Variants in MAST2 observed in about 807,000 individuals in gnomAD.
MAST2 encodes microtubule-associated serine/threonine-protein kinase 2.
Under a neutral mutation model 147.4 loss-of-function variants are expected in MAST2, and 70 were observed. That is an observed-to-expected ratio of 0.47 (90% CI 0.39 to 0.58). The LOEUF (loss-of-function observed/expected upper bound fraction) is 0.58, where lower values mean the gene tolerates loss of function less well. Ranked by LOEUF, MAST2 falls within the 20% of genes least tolerant of loss-of-function variation. MAST2 has a pLI of 0.00. For synonymous variants in MAST2, 869 were observed against 896.8 expected, an observed-to-expected ratio of 0.97 and a Z score of 0.55; for missense variants, 2,080 against 2,302.3, an observed-to-expected ratio of 0.90 and a Z score of 1.98.
intron 3 of MAST2, among the ~76,000 whole-genome samples, chr1:45,850,836 C>CTTTTT (rs35427966): frequency 8.8e-6 from 1 of 113,592 alleles, no homozygotes; most frequent in Non-Finnish European, 1.8e-5. Context: ...CAGTACTATG[C>CTTTTT]TTTTTTTTTT....
intron 18 of MAST2, 106 bp downstream of exon 18, chr1:46,029,039 A>G: frequency 3.9e-6 from 5 of 1,277,590 alleles, no homozygotes; most frequent in Non-Finnish European, 5.4e-6. Flanking sequence ...TGAACTCATC[A>G]TGTGTGTTTG....
chr1:45,831,779 AGTT>A (rs1397902975), intron 3 of MAST2, among the ~76,000 whole-genome samples: 29 of 133,996 alleles, frequency 2.2e-4, no homozygotes, highest in Admixed American at 4.6e-4. Flanking sequence ...GAAGTTTAAT[AGTT>A]TTTTTTTTTT....
At chr1:45,957,894 G>T (rs375161031) in intron 4 of MAST2, among the ~76,000 whole-genome samples, 2 of 152,180 alleles carry the variant, frequency 1.3e-5, no homozygotes, top group East Asian at 1.9e-4. Flanking sequence ...AAGCTTGGTT[G>T]TAAAGGGTTG....
chr1:46,030,609 G>C lies in MAST2; in HGVS notation c.2556G>C (p.Val852=). 2 of 1,608,408 alleles carry C rather than the reference G, an allele frequency of 1.2e-6. No individual in the cohort carries two copies. Among genetic ancestry groups the C allele is most frequent in the Non-Finnish European group, 1.7e-6 (2 of 1,178,334 alleles). Residue 852 remains valine, a splice_region_variant and synonymous_variant, in exon 22 of 29, where the codon GTG becomes GTC. Transcript: ENST00000361297. ...FSSCSPRFNK[V]YSSMERLSLL... is the part of the protein sequence containing the mutation. Reference sequence around the variant, plus strand: ...CAGCGCATCCCCTGTGCCCACAGGTGTACAGCAGCATGGAGCGGCTCTCAC... The same window carrying C: ...CAGCGCATCCCCTGTGCCCACAGGTCTACAGCAGCATGGAGCGGCTCTCAC...
chr1:45,927,079 C>T (rs957007475), intron 4 of MAST2, among the ~76,000 whole-genome samples: 37 of 152,084 alleles, frequency 2.4e-4, no homozygotes, highest in African/African-American at 8.5e-4. Flanking sequence ...GCCCCACAAG[C>T]CACAAAAACC....
At chr1:45,972,001 A>G (rs1157079305) in intron 5 of MAST2, among the ~76,000 whole-genome samples, 1 of 152,028 alleles carries the variant, frequency 6.6e-6, no homozygotes, top group Non-Finnish European at 1.5e-5. Context: ...CCATAAAAGC[A>G]TTCAGTCCCT....
At position 46,034,452 on chromosome 1, in the gene MAST2, G is replaced by A. The variant is rs905841742; in HGVS notation, c.3869-86G>A. On this transcript the variant is annotated intron_variant, in intron 28 of 28. Transcript: ENST00000361297. ...AGCTTGGTTTCTGGGACATAACAGGGCTAAGCCCTGTCTTGCCCTTGAGTC... is the reference window on the plus strand; with the variant it reads ...AGCTTGGTTTCTGGGACATAACAGGACTAAGCCCTGTCTTGCCCTTGAGTC... 30 of 1,427,302 alleles carry A rather than the reference G, an allele frequency of 2.1e-5. No homozygotes were observed. The African/African-American group carries it at 3.0e-4, about 14-fold the overall frequency. The allele number at this position is 1,427,302 out of a possible 1,614,324, so 88.4% of individuals were successfully genotyped here.
chr1:45,867,905 G>A (rs1186480805), intron 3 of MAST2, among the ~76,000 whole-genome samples: 1 of 152,188 alleles, frequency 6.6e-6, no homozygotes, highest in African/African-American at 2.4e-5. Flanking sequence ...GTAGTCTGGT[G>A]TATTTGCTCA....
At chr1:45,854,366 T>G (rs547999989) in intron 3 of MAST2, among the ~76,000 whole-genome samples, 2 of 151,696 alleles carry the variant, frequency 1.3e-5, no homozygotes, top group Admixed American at 6.6e-5. Context: ...TGGACATATT[T>G]GTGTGGTTTA....
intron 3 of MAST2, among the ~76,000 whole-genome samples, chr1:45,861,045 A>AT (rs1318242917): frequency 6.6e-6 from 1 of 152,078 alleles, no homozygotes; most frequent in African/African-American, 2.4e-5. Context: ...CAACCTGATA[A>AT]TTTTTTTAGC....
At chr1:46,015,409 A>C (rs981010862) in intron 10 of MAST2, among the ~76,000 whole-genome samples, 16 of 152,224 alleles carry the variant, frequency 1.1e-4, no homozygotes, top group Non-Finnish European at 2.1e-4. Flanking sequence ...AAGGATCAAC[A>C]AAATTGATAG....
chr1:46,023,632 G>A lies in MAST2; in HGVS notation c.1572-140G>A. ...GAGTTCTATGGACCAGGGGGTCCCA[G>A]ACCCTTCTCACTGATATGCATGCCC... On this transcript the variant is annotated intron_variant, in intron 14 of 28. Coordinates refer to ENST00000361297, the MANE Select transcript of MAST2 (RefSeq NM_015112.3). The surrounding 1 kb of genome is among the most constrained non-coding windows in gnomAD (Gnocchi z 4.9). The A allele has an allele frequency of 1.3e-6, 1 of 752,114 alleles. No homozygotes were observed. The highest frequency in any genetic ancestry group is 2.7e-5 in the East Asian group (1 of 37,156). 46.6% of individuals were successfully genotyped at this position (752,114 alleles called of 1,614,324 possible). A position where few individuals can be genotyped will look rare whatever the true frequency, so the allele number is the denominator to read the frequency against.
chr1:45,889,285 C>T (rs1647297403), intron 4 of MAST2, among the ~76,000 whole-genome samples: 1 of 151,932 alleles, frequency 6.6e-6, no homozygotes, highest in South Asian at 2.1e-4. Context: ...TTCCTGGGCT[C>T]AGGTGGTACT....
At chr1:45,808,362 C>T (rs570663660) in intron 1 of MAST2, among the ~76,000 whole-genome samples, 2 of 152,210 alleles carry the variant, frequency 1.3e-5, no homozygotes, top group African/African-American at 4.8e-5. Context: ...TCCTGAGTAG[C>T]GCATGCCTGG....
At chr1:45,936,995 G>A (rs1047834524) in intron 4 of MAST2, among the ~76,000 whole-genome samples, 6 of 149,620 alleles carry the variant, frequency 4.0e-5, no homozygotes, top group Non-Finnish European at 8.9e-5. Context: ...CTTCCACCTG[G>A]CCTCCTGAGT....
chr1:45,807,846 A>G (rs1644185957), intron 1 of MAST2, among the ~76,000 whole-genome samples: 1 of 152,096 alleles, frequency 6.6e-6, no homozygotes, highest in African/African-American at 2.4e-5. Flanking sequence ...CCGGCCTAAC[A>G]TTTGTGAGTT....
intron 4 of MAST2, among the ~76,000 whole-genome samples, chr1:45,897,225 C>T (rs1174311423): frequency 6.6e-6 from 1 of 152,162 alleles, no homozygotes; most frequent in African/African-American, 2.4e-5. Context: ...AGTCCACTCC[C>T]ATTCAGATAG....
chr1:45,887,505 T>G (rs1178242086), intron 4 of MAST2, among the ~76,000 whole-genome samples: 1 of 152,198 alleles, frequency 6.6e-6, no homozygotes, highest in Admixed American at 6.5e-5. Flanking sequence ...AGATATTGGA[T>G]GAAAGTTAAT....
At chr1:45,885,658 A>G (rs1412625901) in intron 4 of MAST2, among the ~76,000 whole-genome samples, 1 of 152,180 alleles carries the variant, frequency 6.6e-6, no homozygotes, top group African/African-American at 2.4e-5. Context: ...TGGTAAAATC[A>G]GTTACTATAT....
Sources: allele counts gnomAD v4.1 joint callset (sites outside exome capture counted in the v4.1 genomes callset), GRCh38; gene constraint gnomAD v4.1.1; non-coding constraint Gnocchi (gnomAD v3.1); transcripts MANE v1.5; gene names NCBI Gene and HGNC (gene_info 2026-07-23, HGNC 2026-07-21).